SPIRE1: variants seen among roughly 807,000 people sequenced by gnomAD.
SPIRE1 encodes the protein protein spire homolog 1.
In SPIRE1, 40 loss-of-function variants were observed where a neutral mutation model predicts 94.1. The observed-to-expected ratio is 0.43, with a 90% CI of 0.33 to 0.55. SPIRE1 has a LOEUF of 0.55. Among genes scored for constraint, SPIRE1 ranks in the 20% least tolerant of loss-of-function variants. The pLI is 0.06. For synonymous variants in SPIRE1, 376 were observed against 371.7 expected, an observed-to-expected ratio of 1.01 and a Z score of -0.13; for missense variants, 838 against 975.2, an observed-to-expected ratio of 0.86 and a Z score of 1.87.
intron 8 of SPIRE1, among the ~76,000 whole-genome samples, chr18:12,490,516 T>C: frequency 6.6e-6 from 1 of 152,148 alleles, no homozygotes; most frequent in Non-Finnish European, 1.5e-5. Flanking sequence ...AAATCCTTAA[T>C]GAATATAGAT....
At chr18:12,494,032 G>A (rs951839778) in intron 7 of SPIRE1, among the ~76,000 whole-genome samples, 1 of 152,058 alleles carries the variant, frequency 6.6e-6, no homozygotes, top group African/African-American at 2.4e-5. Flanking sequence ...AGCCTCCTGA[G>A]TAGCTGGGAC....
intron 13 of SPIRE1, among the ~76,000 whole-genome samples, chr18:12,453,794 CT>C (rs2031368607): frequency 6.6e-6 from 1 of 151,222 alleles, no homozygotes; most frequent in Admixed American, 6.6e-5. Flanking sequence ...GCACACATGG[CT>C]TTTTTATTGA....
At chr18:12,482,891 T>C (rs191241396) in intron 9 of SPIRE1, among the ~76,000 whole-genome samples, 65 of 152,190 alleles carry the variant, frequency 4.3e-4, no homozygotes, top group Non-Finnish European at 8.5e-4. Context: ...ATCTAAACAC[T>C]TGAGTGATTT....
At chr18:12,504,380 G>A (rs905218079) in intron 6 of SPIRE1, among the ~76,000 whole-genome samples, 5 of 117,368 alleles carry the variant, frequency 4.3e-5, no homozygotes, top group Admixed American at 7.7e-5. Flanking sequence ...GGTGGCATGC[G>A]CCTGTAATCC....
chr18:12,453,012 G>T, intron 14 of SPIRE1, 56 bp downstream of exon 14: 2 of 1,097,936 alleles, frequency 1.8e-6, no homozygotes, highest in African/African-American at 1.6e-5. Flanking sequence ...GAAGATAATT[G>T]GTATTTCTCT....
intron 13 of SPIRE1, among the ~76,000 whole-genome samples, chr18:12,454,072 C>A (rs2031384307): frequency 6.6e-6 from 1 of 152,196 alleles, no homozygotes; most frequent in Admixed American, 6.5e-5. Context: ...CATGAGCCAC[C>A]ATGCCTGGCC....
At chr18:12,479,914 G>A in intron 9 of SPIRE1, 43 bp from the exon 10 acceptor site, 1 of 1,577,612 alleles carries the variant, frequency 6.3e-7, no homozygotes, top group Non-Finnish European at 8.6e-7. Flanking sequence ...AGCCAAGAAA[G>A]GTTATCTGTG....
intron 6 of SPIRE1, among the ~76,000 whole-genome samples, chr18:12,502,278 C>CA (rs1349055337): frequency 6.6e-6 from 1 of 151,842 alleles, no homozygotes; most frequent in East Asian, 1.9e-4. Flanking sequence ...AAACAAAAAA[C>CA]AAAAAAGATT....
At chr18:12,535,741 G>C (rs536077278) in intron 3 of SPIRE1, 140 bp from the exon 4 acceptor site, 1 of 638,428 alleles carries the variant, frequency 1.6e-6, no homozygotes, top group Non-Finnish European at 2.7e-6. Context: ...CAGATCATGA[G>C]GTCGAGAGTT....
chr18:12,654,990 A>G (rs1353825753), intron 1 of SPIRE1, among the ~76,000 whole-genome samples: 1 of 151,552 alleles, frequency 6.6e-6, no homozygotes, highest in African/African-American at 2.4e-5. Context: ...ACTGTTCTAC[A>G]GCACTCCAGC....
intron 2 of SPIRE1, among the ~76,000 whole-genome samples, chr18:12,615,327 CAAAA>C (rs1234229698): frequency 1.8e-3 from 4 of 2,190 alleles, no homozygotes; most frequent in Non-Finnish European, 2.7e-3. Context: ...AACTCTGTCT[CAAAA>C]AAAAAAAAAA....
At chr18:12,454,104 CAT>C (rs1296026345) in intron 13 of SPIRE1, among the ~76,000 whole-genome samples, 3 of 152,122 alleles carry the variant, frequency 2.0e-5, no homozygotes, top group South Asian at 2.1e-4. Context: ...TTTAGGAAGA[CAT>C]ATCGATATTT....
chr18:12,653,953 A>T (rs1053750870), intron 1 of SPIRE1, among the ~76,000 whole-genome samples: 6 of 151,806 alleles, frequency 4.0e-5, no homozygotes, highest in African/African-American at 1.5e-4. Context: ...TCTCAAAAAA[A>T]AAAAAGAAAG....
intron 5 of SPIRE1, among the ~76,000 whole-genome samples, chr18:12,509,268 A>G (rs1412583931): frequency 2.6e-5 from 4 of 152,232 alleles, no homozygotes; most frequent in Non-Finnish European, 5.9e-5. Context: ...CTACGCAAAT[A>G]TAACTCCCTC....
chr18:12,620,471 T>C (rs572696201), intron 2 of SPIRE1, among the ~76,000 whole-genome samples: 3 of 152,280 alleles, frequency 2.0e-5, no homozygotes, highest in South Asian at 2.1e-4. Context: ...ACTGGCACAA[T>C]AGAACGGAAC....
chr18:12,598,438 A>G (rs943649491), intron 2 of SPIRE1, among the ~76,000 whole-genome samples: 1 of 152,180 alleles, frequency 6.6e-6, no homozygotes, highest in African/African-American at 2.4e-5. Context: ...TTTTTAGCAT[A>G]TGCCACTGTT....
chr18:12,542,779 A>C (rs1731494465), intron 3 of SPIRE1, among the ~76,000 whole-genome samples: 1 of 152,166 alleles, frequency 6.6e-6, no homozygotes, highest in South Asian at 2.1e-4. Flanking sequence ...AAATCATGTA[A>C]GACATTATTA....
chr18:12,643,671 A>T (rs1191091062), intron 1 of SPIRE1, among the ~76,000 whole-genome samples: 1 of 152,194 alleles, frequency 6.6e-6, no homozygotes, highest in Non-Finnish European at 1.5e-5. Context: ...GATCTGATTT[A>T]AAAACTATAA....
intron 8 of SPIRE1, among the ~76,000 whole-genome samples, chr18:12,488,054 C>T (rs555601864): frequency 6.6e-6 from 1 of 152,322 alleles, no homozygotes; most frequent in East Asian, 1.9e-4. Context: ...TTCTTCCCTT[C>T]CTCTCCAACA....
Sources: allele counts gnomAD v4.1 joint callset (sites outside exome capture counted in the v4.1 genomes callset), GRCh38; gene constraint gnomAD v4.1.1; transcripts MANE v1.5; gene names NCBI Gene and HGNC (gene_info 2026-07-23, HGNC 2026-07-21).